Variants in MARCHF1 observed in about 807,000 individuals in gnomAD.
The protein encoded by MARCHF1 is membrane associated ring-CH-type finger 1, also known as E3 ubiquitin-protein ligase MARCHF1.
Under a neutral mutation model 54.2 loss-of-function variants are expected in MARCHF1, and 40 were observed. The observed-to-expected ratio is 0.74, with a 90% CI of 0.57 to 0.96. The LOEUF (loss-of-function observed/expected upper bound fraction) is 0.96. Among genes scored for constraint, MARCHF1 ranks in the 40% least tolerant of loss-of-function variants. The probability of loss-of-function intolerance (pLI) is 0.00; values close to 1 mark genes in which losing one functional copy is unlikely to be tolerated. For synonymous variants in MARCHF1, 236 were observed against 236.3 expected, an observed-to-expected ratio of 1.00 and a Z score of 0.01; for missense variants, 586 against 656.5, an observed-to-expected ratio of 0.89 and a Z score of 1.17.
intron 4 of MARCHF1, among the ~76,000 whole-genome samples, chr4:163,764,366 G>A (rs1746916535): frequency 6.6e-6 from 1 of 152,062 alleles, no homozygotes; most frequent in African/African-American, 2.4e-5. Flanking sequence ...CCAGAAGCTT[G>A]TTGAAGTATT....
intron 8 of MARCHF1, among the ~76,000 whole-genome samples, chr4:163,558,642 A>G (rs1739371885): frequency 6.6e-6 from 1 of 152,182 alleles, no homozygotes; most frequent in South Asian, 2.1e-4. Context: ...CAGAGAGCAC[A>G]TGAGGGGTGT....
At chr4:164,284,032 A>C (rs933942219) in intron 1 of MARCHF1, among the ~76,000 whole-genome samples, 1 of 151,016 alleles carries the variant, frequency 6.6e-6, no homozygotes, top group African/African-American at 2.4e-5. Context: ...ATCAAGGTTA[A>C]TTTCTGACAT....
chr4:163,831,176 T>C (rs200155636), intron 4 of MARCHF1, among the ~76,000 whole-genome samples: 1 of 151,522 alleles, frequency 6.6e-6, no homozygotes, highest in East Asian at 2.2e-4. Flanking sequence ...ACTGAACCCT[T>C]AGTGACAAAG....
At chr4:163,746,882 G>C (rs1326776224) in intron 4 of MARCHF1, among the ~76,000 whole-genome samples, 1 of 152,170 alleles carries the variant, frequency 6.6e-6, no homozygotes. Context: ...TTTGGGGATT[G>C]AGGCTCCTTT....
intron 1 of MARCHF1, among the ~76,000 whole-genome samples, chr4:164,163,978 C>T (rs1321512565): frequency 6.6e-6 from 1 of 151,720 alleles, no homozygotes; most frequent in East Asian, 1.9e-4. Flanking sequence ...TTCTAAATAA[C>T]CCATGGGTCA....
chr4:163,985,728 A>G (rs1752849520), intron 3 of MARCHF1, among the ~76,000 whole-genome samples: 1 of 152,174 alleles, frequency 6.6e-6, no homozygotes, highest in Non-Finnish European at 1.5e-5. Context: ...TTTTTAATTT[A>G]CTAATTTAAA....
chr4:164,103,889 A>G (rs569790541), intron 2 of MARCHF1, among the ~76,000 whole-genome samples: 1 of 142,934 alleles, frequency 7.0e-6, no homozygotes, highest in East Asian at 2.0e-4. Flanking sequence ...AAAGAAAAAA[A>G]GAGAGAAGAA....
intron 3 of MARCHF1, among the ~76,000 whole-genome samples, chr4:163,970,067 G>A (rs1163526004): frequency 6.6e-6 from 1 of 152,164 alleles, no homozygotes; most frequent in East Asian, 1.9e-4. Context: ...GGGCCCGAGA[G>A]AGATACAACC....
intron 4 of MARCHF1, among the ~76,000 whole-genome samples, chr4:163,753,847 C>T (rs750702878): frequency 6.6e-6 from 1 of 152,086 alleles, no homozygotes; most frequent in Non-Finnish European, 1.5e-5. Flanking sequence ...TTGGCATAAA[C>T]ACTGGCATTA....
At chr4:164,175,450 A>C (rs1242466399) in intron 1 of MARCHF1, among the ~76,000 whole-genome samples, 3 of 152,198 alleles carry the variant, frequency 2.0e-5, no homozygotes, top group Non-Finnish European at 4.4e-5. Flanking sequence ...TTTCTATATA[A>C]AATTAATCTA....
chr4:164,375,102 T>G (rs1414549565), intron 1 of MARCHF1, among the ~76,000 whole-genome samples: 4 of 152,064 alleles, frequency 2.6e-5, no homozygotes, highest in Admixed American at 1.3e-4. Context: ...AAATCCAAAC[T>G]CATGTGAGTA....
chr4:163,874,411 G>A (rs986454614), intron 3 of MARCHF1, among the ~76,000 whole-genome samples: 2 of 152,140 alleles, frequency 1.3e-5, no homozygotes, highest in African/African-American at 4.8e-5. Context: ...AAGACCCAAA[G>A]AGGCAGGAAC....
At chr4:164,148,354 A>G (rs1729829812) in intron 1 of MARCHF1, among the ~76,000 whole-genome samples, 1 of 152,182 alleles carries the variant, frequency 6.6e-6, no homozygotes, top group African/African-American at 2.4e-5. Context: ...ACTCTTGAAG[A>G]AAATGTCATA....
At chr4:163,691,631 C>T (rs1196632964) in intron 5 of MARCHF1, among the ~76,000 whole-genome samples, 2 of 152,150 alleles carry the variant, frequency 1.3e-5, no homozygotes, top group African/African-American at 2.4e-5. Flanking sequence ...GAACCAGATG[C>T]AACAATGAGG....
At chr4:164,287,542 G>A (rs988048497) in intron 1 of MARCHF1, among the ~76,000 whole-genome samples, 7 of 152,042 alleles carry the variant, frequency 4.6e-5, no homozygotes, top group Admixed American at 1.3e-4. Context: ...AGACTTTATC[G>A]CTCTTCCTAA....
intron 7 of MARCHF1, among the ~76,000 whole-genome samples, chr4:163,592,272 A>AT (rs1740616178): frequency 6.6e-6 from 1 of 152,086 alleles, no homozygotes; most frequent in South Asian, 2.1e-4. Flanking sequence ...TACATATGTG[A>AT]TTTTTTAAAA....
At chr4:163,817,921 T>C (rs1350273187) in intron 4 of MARCHF1, among the ~76,000 whole-genome samples, 1 of 119,800 alleles carries the variant, frequency 8.3e-6, no homozygotes, top group Non-Finnish European at 1.6e-5. Context: ...TGAGAACACA[T>C]GGACACAGGA....
At chr4:164,104,051 C>T (rs983411400) in intron 2 of MARCHF1, among the ~76,000 whole-genome samples, 4 of 151,396 alleles carry the variant, frequency 2.6e-5, no homozygotes, top group African/African-American at 9.8e-5. Context: ...TGCACTCTCC[C>T]AAGACTAAAC....
intron 1 of MARCHF1, among the ~76,000 whole-genome samples, chr4:164,364,226 A>C (rs1730810626): frequency 6.6e-6 from 1 of 152,058 alleles, no homozygotes; most frequent in Non-Finnish European, 1.5e-5. Context: ...TGTGCATTAG[A>C]CCATTTCATT....
Sources: gnomAD v4.1 joint callset for allele counts (sites outside exome capture counted in the v4.1 genomes callset) on GRCh38, gnomAD v4.1.1 for gene constraint, MANE v1.5 for transcripts, NCBI Gene and HGNC (gene_info 2026-07-23, HGNC 2026-07-21) for gene names.